ALKAL2: variants seen among roughly 807,000 people sequenced by gnomAD.
ALKAL2 encodes AUG-alpha.
A neutral mutation model predicts 18.5 loss-of-function variants in ALKAL2; 8 were observed. The ratio of observed to expected loss-of-function variants is 0.43; its 90% CI spans 0.25 to 0.78. The LOEUF (loss-of-function observed/expected upper bound fraction) is 0.78. ALKAL2 is among the 30% of genes least tolerant of loss of function. ALKAL2 has a pLI of 0.22. For missense variants in ALKAL2, 241 were observed against 211.2 expected, an observed-to-expected ratio of 1.14 and a Z score of -0.88; for synonymous variants, 135 against 95.8, an observed-to-expected ratio of 1.41 and a Z score of -2.39.
chr2:286,043 C>A (rs2103084670), intron 4 of ALKAL2, 80 bp downstream of exon 4: 1 of 1,238,866 alleles, frequency 8.1e-7, no homozygotes, highest in East Asian at 2.3e-5. Flanking sequence ...AAGGCAGGGG[C>A]CTATATGAGG....
intron 4 of ALKAL2, 96 bp downstream of exon 4, chr2:286,027 G>T: frequency 9.3e-7 from 1 of 1,073,646 alleles, no homozygotes; most frequent in Non-Finnish European, 1.4e-6. Context: ...GCAAATTTGA[G>T]CTAAGAAGGC....
chr2:280,119 C>T lies in ALKAL2; in HGVS notation c.*28G>A. The T allele has an allele frequency of 6.2e-7, 1 of 1,613,878 alleles. No homozygotes were observed. Among genetic ancestry groups the T allele is most frequent in the Non-Finnish European group, 8.5e-7 (1 of 1,179,788 alleles). ...GGTTTCCAAGGCACTTCTCATGGCT[C>T]CTGGTGTGCTGCTCCTGTACGGTCT... On this transcript the variant is annotated 3_prime_UTR_variant, in exon 6 of 6. Transcript: ENST00000403610.
intron 5 of ALKAL2, among the ~76,000 whole-genome samples, chr2:280,572 T>C (rs780170357): frequency 1.3e-5 from 2 of 152,212 alleles, no homozygotes; most frequent in Non-Finnish European, 2.9e-5. Flanking sequence ...ATCTAAACCA[T>C]TGGTATTCTA....
At chr2:281,404 T>C (rs781034869) in intron 5 of ALKAL2, among the ~76,000 whole-genome samples, 43 of 152,184 alleles carry the variant, frequency 2.8e-4, no homozygotes, top group African/African-American at 9.9e-4. Context: ...TACCTGCATC[T>C]CATCGTCAGT....
intron 4 of ALKAL2, among the ~76,000 whole-genome samples, chr2:283,748 A>G (rs897179674): frequency 6.6e-6 from 1 of 152,230 alleles, no homozygotes; most frequent in Non-Finnish European, 1.5e-5. Context: ...GCCTATAGAA[A>G]TTAAGAAGGT....
chr2:285,736 G>C (rs534451015), intron 4 of ALKAL2, among the ~76,000 whole-genome samples: 1 of 152,190 alleles, frequency 6.6e-6, no homozygotes, highest in Non-Finnish European at 1.5e-5. Flanking sequence ...GGAAGAAAAA[G>C]TCTCTGGTAA....
At chr2:287,249 G>A in intron 2 of ALKAL2, 2 of 237,212 alleles carry the variant, frequency 8.4e-6, no homozygotes, top group East Asian at 8.1e-5. Flanking sequence ...ACCACTCTGG[G>A]CAGGGCCATG....
Position 288,058 on chromosome 2 carries a change from TCTC to T in ALKAL2, c.-106_-104del. ...AAGCCGGCAGGTGAGGGAGCCGCGG[TCTC>T]CTCGACGATCACGCCCGAGGTCCCG... On this transcript the variant is annotated 5_prime_UTR_variant, in exon 1 of 6. Transcript: ENST00000403610. The T allele has an allele frequency of 7.4e-6, 9 of 1,208,680 alleles. No individual in the cohort carries two copies. The highest frequency in any genetic ancestry group is 9.2e-6 in the Non-Finnish European group (9 of 974,628). The allele number at this position is 1,208,680 out of a possible 1,614,324, so 74.9% of individuals were successfully genotyped here. A position where few individuals can be genotyped will look rare whatever the true frequency, so the allele number is the denominator to read the frequency against.
intron 4 of ALKAL2, among the ~76,000 whole-genome samples, chr2:284,662 C>G (rs985181254): frequency 3.9e-5 from 6 of 152,128 alleles, no homozygotes; most frequent in Non-Finnish European, 8.8e-5. Context: ...CAGCATGATG[C>G]CTTGGAAAAA....
intron 4 of ALKAL2, among the ~76,000 whole-genome samples, chr2:285,082 TC>T (rs1000438974): frequency 6.6e-6 from 1 of 152,208 alleles, no homozygotes; most frequent in African/African-American, 2.4e-5. Context: ...GAGGCTGCGT[TC>T]CATGCATCTT....
chr2:287,914 G>A, intron 1 of ALKAL2, 22 bp from the exon 2 acceptor site: 2 of 1,245,520 alleles, frequency 1.6e-6, no homozygotes, highest in Non-Finnish European at 2.0e-6. Flanking sequence ...GGGGCGCGGG[G>A]GGCCGGAGAG....
At chr2:286,376 T>TTCA in intron 2 of ALKAL2, 33 bp from the exon 3 acceptor site, 2 of 1,513,948 alleles carry the variant, frequency 1.3e-6, no homozygotes. Flanking sequence ...TTATATTACC[T>TTCA]GAAGGACGCA....
chr2:287,911 G>T lies in ALKAL2; in HGVS notation c.-57-19C>A, dbSNP rs1420661823. 2.4e-6 allele frequency: 3 copies of T among 1,246,098 alleles called. No homozygotes were observed. Among genetic ancestry groups the T allele is most frequent in the Non-Finnish European group, 3.0e-6 (3 of 997,692 alleles). The allele number at this position is 1,246,098 out of a possible 1,614,324, so 77.2% of individuals were successfully genotyped here. The stretch of plus-strand genomic sequence containing the variant: ...GGGCTCGCTGCGAGAGAAGGGGCGC[G>T]GGGGGCCGGAGAGAAAGTCAGCGGG... On this transcript the variant is annotated intron_variant, in intron 1 of 5. Coordinates refer to ENST00000403610, the MANE Select transcript of ALKAL2 (RefSeq NM_001002919.3).
chr2:286,944 G>A (rs1240296473), intron 2 of ALKAL2: 2 of 152,282 alleles, frequency 1.3e-5, no homozygotes, highest in East Asian at 3.9e-4. Flanking sequence ...TCCGCACACA[G>A]TGGGTGGGGA....
chr2:286,545 C>G, intron 2 of ALKAL2: 1 of 523,410 alleles, frequency 1.9e-6, no homozygotes, highest in South Asian at 3.0e-5. Flanking sequence ...CTTGAAATAA[C>G]AGTAACTGCT....
In ALKAL2 at chr2:288,015, C is replaced by G. The variant is rs1400701919; in HGVS notation, c.-60G>C. The G allele has an allele frequency of 8.2e-7, 1 of 1,226,074 alleles. No individual in the cohort carries two copies. Among genetic ancestry groups the G allele is most frequent in the Middle Eastern group, 3.2e-4 (1 of 3,138 alleles). The allele number at this position is 1,226,074 out of a possible 1,614,324, so 75.9% of individuals were successfully genotyped here. On this transcript the variant is annotated splice_region_variant and 5_prime_UTR_variant, in exon 1 of 6. Coordinates refer to ENST00000403610, the MANE Select transcript of ALKAL2 (RefSeq NM_001002919.3). ...TGGCGCTGGACCCGGCCCCTCACCT[C>G]CGCGGACCCCGAGGAACAAGCCGGC...
intron 5 of ALKAL2, among the ~76,000 whole-genome samples, chr2:281,245 A>AAATT (rs1259519967): frequency 6.6e-6 from 1 of 152,216 alleles, no homozygotes; most frequent in Non-Finnish European, 1.5e-5. Context: ...AGGAGTTATG[A>AAATT]AATTATAGTT....
In ALKAL2 at chr2:288,065, G is replaced by C. The variant is rs1670592227; in HGVS notation, c.-110C>G. The stretch of plus-strand genomic sequence containing the variant: ...CAGGTGAGGGAGCCGCGGTCTCCTC[G>C]ACGATCACGCCCGAGGTCCCGCCCA... On this transcript the variant is annotated 5_prime_UTR_variant, in exon 1 of 6. Coordinates refer to ENST00000403610, the MANE Select transcript of ALKAL2 (RefSeq NM_001002919.3). 9.1e-6 allele frequency: 11 copies of C among 1,205,760 alleles called. No individual in the cohort carries two copies. The highest frequency in any genetic ancestry group is 1.1e-5 in the Non-Finnish European group (11 of 972,496). The allele number at this position is 1,205,760 out of a possible 1,614,324, so 74.7% of individuals were successfully genotyped here.
chr2:281,091 G>A (rs933922907), intron 5 of ALKAL2, among the ~76,000 whole-genome samples: 1 of 152,158 alleles, frequency 6.6e-6, no homozygotes, highest in African/African-American at 2.4e-5. Context: ...GCAAAGCACA[G>A]AGAAAGCCCG....
Sources: gnomAD v4.1 joint callset for allele counts (sites outside exome capture counted in the v4.1 genomes callset) on GRCh38, gnomAD v4.1.1 for gene constraint, MANE v1.5 for transcripts, NCBI Gene and HGNC (gene_info 2026-07-23, HGNC 2026-07-21) for gene names.